Variants in KLF17 observed in about 807,000 individuals in gnomAD.
KLF17 encodes KLF transcription factor 17, also known as Krueppel-like factor 17.
Under a neutral mutation model 34.2 loss-of-function variants are expected in KLF17, and 31 were observed. The observed-to-expected ratio is 0.91, with a 90% CI of 0.68 to 1.22. The LOEUF is 1.22. KLF17 is among the 50% of genes most tolerant of loss of function. KLF17 has a pLI of 0.00. For missense variants in KLF17, 478 were observed against 505.2 expected (o/e 0.95, Z 0.52); for synonymous variants, 179 against 186.7 (o/e 0.96, Z 0.34).
At chr1:44,056,632 C>G in the KLF17 span, among the ~76,000 whole-genome samples, 2 of 152,186 alleles carry the variant, frequency 1.3e-5, no homozygotes, top group Non-Finnish European at 2.9e-5. Context: ...CTTTATGTGG[C>G]TGAAAAACAA....
chr1:44,062,941 G>T, the KLF17 span, among the ~76,000 whole-genome samples: 1 of 152,172 alleles, frequency 6.6e-6, no homozygotes, highest in Non-Finnish European at 1.5e-5. Context: ...GTACGAGAAT[G>T]TTCATAGTAG....
At chr1:44,127,952 G>T (rs1400457789) in intron 1 of KLF17, among the ~76,000 whole-genome samples, 1 of 148,100 alleles carries the variant, frequency 6.8e-6, no homozygotes, top group Non-Finnish European at 1.5e-5. Flanking sequence ...TTCTCTTTTG[G>T]TTGTCATATT....
chr1:44,131,528 T>G (rs2995018), intron 3 of KLF17, among the ~76,000 whole-genome samples: 104,266 of 152,060 alleles, frequency 0.69, 35,799 homozygotes, highest in East Asian at 0.73. Flanking sequence ...ACTAGTTTTG[T>G]ACTGTATTAG....
At chr1:44,048,564 G>C in the KLF17 span, 2 of 152,204 alleles carry the variant, frequency 1.3e-5, no homozygotes, top group East Asian at 3.8e-4. Context: ...TTGAGCTGGA[G>C]ACTTTCTTTG....
intron 1 of KLF17, among the ~76,000 whole-genome samples, chr1:44,120,451 G>A (rs2087933341): frequency 1.3e-5 from 2 of 152,208 alleles, no homozygotes; most frequent in Admixed American, 6.5e-5. Flanking sequence ...GTGTGGCCAT[G>A]CGTGTTAGAG....
chr1:44,087,910 C>T, the KLF17 span: 1 of 178,170 alleles, frequency 5.6e-6, no homozygotes, highest in Non-Finnish European at 1.2e-5. Flanking sequence ...CCAGGAATGG[C>T]ATGAGGTCAC....
chr1:44,045,230 C>T, the KLF17 span: 1 of 152,330 alleles, frequency 6.6e-6, no homozygotes, highest in Non-Finnish European at 1.5e-5. Context: ...GTTGTGGGTG[C>T]ACCTGGGTTG....
At chr1:44,089,489 G>C in the KLF17 span, among the ~76,000 whole-genome samples, 1 of 152,188 alleles carries the variant, frequency 6.6e-6, no homozygotes, top group African/African-American at 2.4e-5. Flanking sequence ...ATGACCTTGG[G>C]TGAAGCAGCT....
chr1:44,073,310 G>A, the KLF17 span, among the ~76,000 whole-genome samples: 1 of 150,910 alleles, frequency 6.6e-6, no homozygotes, highest in Non-Finnish European at 1.5e-5. Flanking sequence ...GGGTTCAAGC[G>A]ATTCTCCAGC....
chr1:44,132,642 C>T (rs554526953), intron 3 of KLF17, among the ~76,000 whole-genome samples: 1 of 152,286 alleles, frequency 6.6e-6, no homozygotes, highest in South Asian at 2.1e-4. Flanking sequence ...TTTTCAGGCT[C>T]TGTATTCTAG....
chr1:44,070,450 GT>G, the KLF17 span, among the ~76,000 whole-genome samples: 1 of 152,024 alleles, frequency 6.6e-6, no homozygotes, highest in Non-Finnish European at 1.5e-5. Flanking sequence ...CGTGGTATTT[GT>G]TTTTCTGTGT....
At chr1:44,098,479 A>AT in the KLF17 span, among the ~76,000 whole-genome samples, 7 of 65,162 alleles carry the variant, frequency 1.1e-4, no homozygotes, top group East Asian at 5.0e-4. Flanking sequence ...CTTTATTATT[A>AT]TTTTTTTTAA....
At chr1:44,082,234 G>A in the KLF17 span, among the ~76,000 whole-genome samples, 1 of 152,134 alleles carries the variant, frequency 6.6e-6, no homozygotes, top group Admixed American at 6.5e-5. Flanking sequence ...AGTCTAATTG[G>A]GTAATTGAGC....
chr1:44,104,416 C>T, the KLF17 span: 46 of 892,898 alleles, frequency 5.2e-5, no homozygotes, highest in East Asian at 2.4e-5. Flanking sequence ...CACTTCGTCT[C>T]CTGAATCTTG....
At chr1:44,075,257 G>A in the KLF17 span, among the ~76,000 whole-genome samples, 1 of 152,086 alleles carries the variant, frequency 6.6e-6, no homozygotes, top group Admixed American at 6.6e-5. Context: ...CAACACAACA[G>A]CATAACAGCA....
the KLF17 span, among the ~76,000 whole-genome samples, chr1:44,053,196 C>T: frequency 1.3e-5 from 2 of 152,170 alleles, no homozygotes; most frequent in Admixed American, 6.5e-5. Flanking sequence ...CCACTGCACC[C>T]GGCCTCATGA....
the KLF17 span, among the ~76,000 whole-genome samples, chr1:44,081,411 A>C: frequency 6.7e-6 from 1 of 148,730 alleles, no homozygotes; most frequent in Admixed American, 6.7e-5. Flanking sequence ...CATTTTCCCC[A>C]TGGTAGTTTT....
At chr1:44,097,940 C>T in the KLF17 span, among the ~76,000 whole-genome samples, 36 of 152,036 alleles carry the variant, frequency 2.4e-4, no homozygotes, top group East Asian at 6.6e-3. Flanking sequence ...TATGTTGAAC[C>T]ATCCTTGCAT....
upstream of KLF17, chr1:44,116,957 C>T (rs2087884664): frequency 6.6e-6 from 1 of 152,212 alleles, no homozygotes; most frequent in Non-Finnish European, 1.5e-5. Flanking sequence ...TGCTCCTCTT[C>T]CTATCTTTCC....
Sources: gnomAD v4.1 joint callset for allele counts (sites outside exome capture counted in the v4.1 genomes callset) on GRCh38, gnomAD v4.1.1 for gene constraint, MANE v1.5 for transcripts, NCBI Gene and HGNC (gene_info 2026-07-23, HGNC 2026-07-21) for gene names.